The following SPPL3 variants were observed in gnomAD, a reference collection of about 807,000 sequenced individuals.
SPPL3 encodes the protein signal peptide peptidase-like 3.
SPPL3 carries 5 observed loss-of-function variants against 42.4 expected under a neutral mutation model. The observed-to-expected ratio is 0.12, with a 90% CI of 0.06 to 0.25. The LOEUF is 0.25. Ranked by LOEUF, SPPL3 falls within the 10% of genes least tolerant of loss-of-function variation. SPPL3 has a pLI of 1.00. For missense variants in SPPL3, 235 were observed against 489.0 expected (o/e 0.48, Z 4.90); for synonymous variants, 195 against 181.8 (o/e 1.07, Z -0.58).
rs1051374501 is a variant in SPPL3 at position 120,791,504 on chromosome 12, G to A, written c.155C>T (p.Ser52Phe). The change falls in exon 3 of 11, where the codon TCT (serine) becomes TTT (phenylalanine). Residue 52 changes from serine (S) to phenylalanine (F), a missense_variant. Around this residue, in one of 6 missense-constraint regions of SPPL3, gnomAD observed 110 missense variants for 186.2 expected, o/e 0.59. Coordinates refer to ENST00000353487, the MANE Select transcript of SPPL3 (RefSeq NM_139015.5). ...GCTGTTGCCATTGAAAGACCCAGAAGAACTATTACTGTCTTTCTCCTTATC... is the reference window on the plus strand; with the variant it reads ...GCTGTTGCCATTGAAAGACCCAGAAAAACTATTACTGTCTTTCTCCTTATC... ...NQDKEKDSNSSSGSFNGNSTN... is the reference protein window; with the variant it reads ...NQDKEKDSNSFSGSFNGNSTN... 2 of 1,606,996 alleles carry A rather than the reference G, an allele frequency of 1.2e-6. No homozygotes were observed. Among genetic ancestry groups the A allele is most frequent in the Admixed American group, 1.7e-5 (1 of 58,488 alleles).
intron 6 of SPPL3, among the ~76,000 whole-genome samples, chr12:120,780,229 T>C (rs964347625): frequency 4.0e-5 from 6 of 149,246 alleles, no homozygotes; most frequent in East Asian, 2.1e-4. Flanking sequence ...TCCCAGCACT[T>C]TGGGAGGACT....
In SPPL3 at chr12:120,763,868, A is replaced by C. The variant is rs1281554594; in HGVS notation, c.*1131T>G. ...AATATACAGCACACCAATGAAACAA[A>C]ATGTCAAAAAAAAAAATACAAAAAA... On this transcript the variant is annotated 3_prime_UTR_variant, in exon 11 of 11. Transcript: ENST00000353487. 1.2e-5 allele frequency: 1 copy of C among 84,382 alleles called. No homozygotes were observed. The highest frequency in any genetic ancestry group is 2.0e-5 in the Non-Finnish European group (1 of 49,216). 5.2% of individuals were successfully genotyped at this position (84,382 alleles called of 1,614,324 possible). A position where few individuals can be genotyped will look rare whatever the true frequency, so the allele number is the denominator to read the frequency against.
chr12:120,773,671 G>A (rs994222353), intron 6 of SPPL3, among the ~76,000 whole-genome samples: 6 of 152,282 alleles, frequency 3.9e-5, no homozygotes, highest in East Asian at 1.9e-4. Flanking sequence ...TGTCGCCCAC[G>A]CTGAGTGCAG....
At chr12:120,879,113 CAAAAAAAAAAAA>C (rs63543261) in intron 1 of SPPL3, among the ~76,000 whole-genome samples, 3 of 65,120 alleles carry the variant, frequency 4.6e-5, no homozygotes, top group Admixed American at 2.2e-4. Flanking sequence ...AACTCTGTCT[CAAAAAAAAAAAA>C]AAAAAAAAAA....
intron 1 of SPPL3, among the ~76,000 whole-genome samples, chr12:120,854,025 C>G (rs1000657220): frequency 7.2e-6 from 1 of 139,572 alleles, no homozygotes; most frequent in African/African-American, 2.7e-5. Flanking sequence ...CACACACACA[C>G]GGGGAAAAAA....
intron 1 of SPPL3, among the ~76,000 whole-genome samples, chr12:120,846,298 A>G (rs188179384): frequency 1.3e-5 from 2 of 152,376 alleles, no homozygotes; most frequent in East Asian, 3.9e-4. Flanking sequence ...ATAATTTTCT[A>G]ACTTCATAAA....
At chr12:120,816,862 A>C (rs1485374412) in intron 1 of SPPL3, among the ~76,000 whole-genome samples, 1 of 152,146 alleles carries the variant, frequency 6.6e-6, no homozygotes, top group Non-Finnish European at 1.5e-5. Context: ...GACAAACTGA[A>C]GTTTCTATCT....
At position 120,783,683 on chromosome 12, in the gene SPPL3, G is replaced by A; in HGVS notation, c.380C>T (p.Pro127Leu). 1.9e-6 allele frequency: 3 copies of A among 1,612,584 alleles called. No individual in the cohort carries two copies. The highest frequency in any genetic ancestry group is 2.5e-6 in the Non-Finnish European group (3 of 1,179,136). The change falls in exon 5 of 11, where the codon CCT becomes CTT. Residue 127 changes from proline to leucine, a missense_variant. Transcript: ENST00000353487. ...MCQYLTRPCS[P>L]QNKISFGCCG... ...AGTCCCAAGTCCTTACTTGTTCTGA[G>A]GTGAGCAGGGTCTTGTTAAATACTG...
chr12:120,812,925 G>A (rs996599722), intron 1 of SPPL3, among the ~76,000 whole-genome samples: 2 of 152,282 alleles, frequency 1.3e-5, no homozygotes, highest in Non-Finnish European at 2.9e-5. Flanking sequence ...GCATTAGGAG[G>A]GAGACGTTGC....
At chr12:120,831,350 G>A (rs1420421912) in intron 1 of SPPL3, among the ~76,000 whole-genome samples, 1 of 151,864 alleles carries the variant, frequency 6.6e-6, no homozygotes, top group Non-Finnish European at 1.5e-5. Context: ...CTATTTCTCT[G>A]GAGAACCCTA....
At chr12:120,767,122 AG>A (rs956389405) in intron 9 of SPPL3, among the ~76,000 whole-genome samples, 34 of 152,384 alleles carry the variant, frequency 2.2e-4, no homozygotes, top group African/African-American at 7.9e-4. Context: ...ATTTAAGCAC[AG>A]ACTAATCCAC....
intron 1 of SPPL3, among the ~76,000 whole-genome samples, chr12:120,894,045 C>T (rs1873724146): frequency 6.6e-6 from 1 of 152,036 alleles, no homozygotes; most frequent in African/African-American, 2.4e-5. Context: ...TGTAGGGGGC[C>T]GGGTGCAGTG....
At chr12:120,874,115 C>A (rs1156897728) in intron 1 of SPPL3, among the ~76,000 whole-genome samples, 2 of 151,844 alleles carry the variant, frequency 1.3e-5, no homozygotes. Flanking sequence ...AGAAAAATAC[C>A]AGATGGAAAT....
At chr12:120,859,050 T>C (rs900848449) in intron 1 of SPPL3, among the ~76,000 whole-genome samples, 2 of 152,186 alleles carry the variant, frequency 1.3e-5, no homozygotes, top group African/African-American at 4.8e-5. Flanking sequence ...CTTGAAGGCA[T>C]AGTAAGAAAA....
chr12:120,897,910 G>A (rs938927182), intron 1 of SPPL3, among the ~76,000 whole-genome samples: 1 of 151,878 alleles, frequency 6.6e-6, no homozygotes, highest in African/African-American at 2.4e-5. Flanking sequence ...TGTGTTATTT[G>A]CCATTCTCAG....
At chr12:120,844,112 G>A (rs936910270) in intron 1 of SPPL3, among the ~76,000 whole-genome samples, 2 of 152,098 alleles carry the variant, frequency 1.3e-5, no homozygotes, top group African/African-American at 2.4e-5. Flanking sequence ...TTGGCTAATA[G>A]GTATCTTAAA....
At chr12:120,827,673 C>A (rs544870524) in intron 1 of SPPL3, among the ~76,000 whole-genome samples, 1 of 152,336 alleles carries the variant, frequency 6.6e-6, no homozygotes, top group South Asian at 2.1e-4. Flanking sequence ...CTTGTGCCCC[C>A]CAGCCTCAGC....
chr12:120,903,726 A>AAC, intron 1 of SPPL3, 119 bp downstream of exon 1: 1 of 509,672 alleles, frequency 2.0e-6, no homozygotes, highest in Non-Finnish European at 3.0e-6. Context: ...GTGCACCCCA[A>AAC]CCCGCGCCCC....
chr12:120,785,783 C>G (rs1247318103), intron 3 of SPPL3, among the ~76,000 whole-genome samples: 1 of 146,158 alleles, frequency 6.8e-6, no homozygotes, highest in Non-Finnish European at 1.5e-5. Flanking sequence ...CCAGCCTGGG[C>G]AAACTAAGGA....
Sources: gnomAD v4.1 joint callset for allele counts (sites outside exome capture counted in the v4.1 genomes callset) on GRCh38, gnomAD v4.1.1 for gene constraint, gnomAD v4.1.1 regional missense constraint, MANE v1.5 for transcripts, NCBI Gene and HGNC (gene_info 2026-07-23, HGNC 2026-07-21) for gene names.